Variants in CFAP20DC observed in about 807,000 individuals in gnomAD.
The protein encoded by CFAP20DC is CFAP20 domain containing.
In CFAP20DC, 84 loss-of-function variants were observed where a neutral mutation model predicts 101.7. That is an observed-to-expected ratio of 0.83 (90% CI 0.69 to 0.99). CFAP20DC has a LOEUF of 0.99. Ranked by LOEUF, CFAP20DC falls within the 50% of genes least tolerant of loss-of-function variation. The pLI is 0.00. For synonymous variants in CFAP20DC, 359 were observed against 351.2 expected, an observed-to-expected ratio of 1.02 and a Z score of -0.25; for missense variants, 1,007 against 970.3, an observed-to-expected ratio of 1.04 and a Z score of -0.50.
chr3:58,795,363 TG>T lies in CFAP20DC; in HGVS notation c.2237+11031del, dbSNP rs151264273. Among the ~76,000 whole-genome samples, 1,477 of 152,278 alleles carry T rather than the reference TG, an allele frequency of 9.7e-3. 26 individuals are homozygous for T. Among genetic ancestry groups the T allele is most frequent in the African/African-American group, 0.033 (1,391 of 41,558 alleles). ...TTAAAGATGTCAAGATTCTGCCAGG[TG>T]CCGTGGCTCACGCCTGTAACCCAGC... On this transcript the variant is annotated intron_variant, in intron 15 of 16. Coordinates refer to ENST00000482387, the MANE Select transcript of CFAP20DC (RefSeq NM_001394063.1). This position sits in a 1 kb window ranked among gnomAD's most constrained non-coding sequence, Gnocchi z 4.2.
chr3:58,940,463 ATAGGG>A, intron 4 of CFAP20DC, among the ~76,000 whole-genome samples: 1 of 152,312 alleles, frequency 6.6e-6, no homozygotes, highest in East Asian at 1.9e-4. Flanking sequence ...GTTGTATGAC[ATAGGG>A]GTTGGAGTTC....
chr3:59,042,960 G>A (rs938759107), intron 3 of CFAP20DC, among the ~76,000 whole-genome samples: 1 of 152,160 alleles, frequency 6.6e-6, no homozygotes, highest in Non-Finnish European at 1.5e-5. Flanking sequence ...GAAAAGATAA[G>A]TTGCTAACAG....
chr3:58,829,055 C>T (rs1422033340), intron 14 of CFAP20DC, among the ~76,000 whole-genome samples: 3 of 151,970 alleles, frequency 2.0e-5, no homozygotes, highest in East Asian at 3.9e-4. Context: ...TGGGACAGGC[C>T]GGGCATGGTG....
rs1559748885 is a variant in CFAP20DC, at chr3:58,874,710, A to G, written c.716-4401T>C. 6.6e-6 allele frequency among the ~76,000 whole-genome samples: 1 copy of G among 152,164 alleles called. No homozygotes were observed. The highest frequency in any genetic ancestry group is 1.5e-5 in the Non-Finnish European group (1 of 68,024). On this transcript the variant is annotated intron_variant, in intron 7 of 16. Transcript: ENST00000482387. This position sits in a 1 kb window ranked among gnomAD's most constrained non-coding sequence, Gnocchi z 5.1. ...CTTTGCAGACCTTTCTGATTAGGGT[A>G]AGTTCCTCCAATATAGGCTCTTCCA... is the stretch of plus-strand genomic sequence containing the variant.
chr3:58,945,720 C>T (rs1480089829), intron 4 of CFAP20DC, among the ~76,000 whole-genome samples: 14 of 145,926 alleles, frequency 9.6e-5, no homozygotes, highest in Non-Finnish European at 6.0e-5. Flanking sequence ...TTTTCTGAGA[C>T]GGAGTCTCGT....
intron 4 of CFAP20DC, among the ~76,000 whole-genome samples, chr3:58,944,399 C>T (rs980865629): frequency 1.2e-4 from 19 of 152,124 alleles, no homozygotes; most frequent in African/African-American, 3.9e-4. Flanking sequence ...AAATAAGACT[C>T]CAGAAATTAC....
intron 3 of CFAP20DC, among the ~76,000 whole-genome samples, chr3:59,041,248 A>G (rs1437954805): frequency 6.6e-6 from 1 of 152,116 alleles, no homozygotes; most frequent in Non-Finnish European, 1.5e-5. Context: ...CTTCAAACAC[A>G]AAGAGTTACA....
At position 58,869,492 on chromosome 3, in the gene CFAP20DC, T is replaced by C; in HGVS notation, c.853-2A>G. On this transcript the variant is annotated splice_acceptor_variant, in intron 8 of 16. Transcript: ENST00000482387. LOFTEE classifies it high-confidence loss of function. This position sits in a 1 kb window ranked among gnomAD's most constrained non-coding sequence, Gnocchi z 4.3. Reference sequence around the variant, plus strand: ...TTTGGACCCAACGGATCTCACTGTCTGTAAAGGAATTAATCTGTACATTTT... The same window carrying C: ...TTTGGACCCAACGGATCTCACTGTCCGTAAAGGAATTAATCTGTACATTTT... 1 of 1,602,118 alleles carries C rather than the reference T, an allele frequency of 6.2e-7. No individual in the cohort carries two copies. The highest frequency in any genetic ancestry group is 8.5e-7 in the Non-Finnish European group (1 of 1,174,826).
rs2073474918 is a variant in CFAP20DC, at chr3:58,799,108, G to GA, written c.2237+7286_2237+7287insT. Among the ~76,000 whole-genome samples the GA allele has an allele frequency of 6.7e-6, 1 of 149,016 alleles. No individual in the cohort carries two copies. The highest frequency in any genetic ancestry group is 1.5e-5 in the Non-Finnish European group (1 of 67,062). ...TGTATGTGTATGCATATAAATAATG[G>GA]TTTTTTTTTTCTATTTGCTTACCCA... On this transcript the variant is annotated intron_variant, in intron 15 of 16. Transcript: ENST00000482387. The surrounding 1 kb of genome is among the most constrained non-coding windows in gnomAD (Gnocchi z 4.9).
chr3:58,729,705 A>G lies in CFAP20DC; in HGVS notation c.198-12077T>C, dbSNP rs1237530129. 6.6e-6 allele frequency among the ~76,000 whole-genome samples: 1 copy of G among 152,110 alleles called. No homozygotes were observed. Among genetic ancestry groups the G allele is most frequent in the Non-Finnish European group, 1.5e-5 (1 of 68,010 alleles). On this transcript the variant is annotated intron_variant, in intron 3 of 3. Transcript: ENST00000486145. This position sits in a 1 kb window ranked among gnomAD's most constrained non-coding sequence, Gnocchi z 4.4. ...GTTCCCAATGCAAGGCCTGGTCTAT[A>G]CCAAATTAGTCTGCTATTATTGAAA...
intron 15 of CFAP20DC, among the ~76,000 whole-genome samples, chr3:58,754,710 C>T (rs887359839): frequency 5.9e-5 from 9 of 152,136 alleles, no homozygotes; most frequent in Admixed American, 2.0e-4. Flanking sequence ...GTACTTCCTA[C>T]GGTATTAATC....
chr3:58,991,363 T>G (rs929938924), intron 4 of CFAP20DC, among the ~76,000 whole-genome samples: 1 of 152,184 alleles, frequency 6.6e-6, no homozygotes, highest in African/African-American at 2.4e-5. Flanking sequence ...AGGCTACATA[T>G]GAAACAGCAT....
At chr3:58,804,450 C>T (rs1395867634) in intron 15 of CFAP20DC, among the ~76,000 whole-genome samples, 2 of 150,228 alleles carry the variant, frequency 1.3e-5, no homozygotes, top group Non-Finnish European at 3.0e-5. Flanking sequence ...GTAACCTCTG[C>T]TTCCTGGGTT....
At chr3:58,858,433 T>C (rs2079006943) in intron 12 of CFAP20DC, among the ~76,000 whole-genome samples, 1 of 152,208 alleles carries the variant, frequency 6.6e-6, no homozygotes, top group Non-Finnish European at 1.5e-5. Flanking sequence ...CAATAATTTC[T>C]GGCTACACAA....
At chr3:58,931,662 AG>A (rs935025459) in intron 5 of CFAP20DC, among the ~76,000 whole-genome samples, 4 of 152,202 alleles carry the variant, frequency 2.6e-5, no homozygotes, top group African/African-American at 9.6e-5. Context: ...CCAGGCAAAT[AG>A]GGTCTGGAGT....
At position 59,001,849 on chromosome 3, in the gene CFAP20DC, T is replaced by G. The variant is rs59750376; in HGVS notation, c.278+37708A>C. 0.17 allele frequency among the ~76,000 whole-genome samples: 26,026 copies of G among 152,134 alleles called. 4,489 individuals carry two copies. Among genetic ancestry groups the G allele is most frequent in the African/African-American group, 0.43 (17,641 of 41,458 alleles). On this transcript the variant is annotated intron_variant, in intron 4 of 16. Transcript: ENST00000482387. The surrounding 1 kb of genome is among the most constrained non-coding windows in gnomAD (Gnocchi z 4.5). Reference sequence around the variant, plus strand: ...TACCTGATGTTACTATAGTAATCAGTGGGCTTCCTGGGCTCTCTGCCAATT... The same window carrying G: ...TACCTGATGTTACTATAGTAATCAGGGGGCTTCCTGGGCTCTCTGCCAATT...
intron 5 of CFAP20DC, among the ~76,000 whole-genome samples, chr3:58,932,533 A>C (rs569234659): frequency 6.6e-6 from 1 of 151,940 alleles, no homozygotes; most frequent in African/African-American, 2.4e-5. Context: ...GAAAGGTCGC[A>C]TTACCTACAA....
intron 6 of CFAP20DC, among the ~76,000 whole-genome samples, chr3:58,890,290 CGGCTGTCCGGGCGGGG>C (rs2082062029): frequency 6.9e-6 from 1 of 143,994 alleles, no homozygotes; most frequent in African/African-American, 2.6e-5. Context: ...CCGGACGGGG[CGGCTGTCCGGGCGGGG>C]GGCTGACCCC....
At chr3:58,977,654 A>G (rs1379579672) in intron 4 of CFAP20DC, among the ~76,000 whole-genome samples, 17 of 152,014 alleles carry the variant, frequency 1.1e-4, no homozygotes, top group Non-Finnish European at 5.9e-5. Flanking sequence ...CATTGGGGAT[A>G]TAAGAATTCT....
Sources: allele counts gnomAD v4.1 joint callset (sites outside exome capture counted in the v4.1 genomes callset), GRCh38; gene constraint gnomAD v4.1.1; non-coding constraint Gnocchi (gnomAD v3.1); transcripts MANE v1.5; gene names NCBI Gene and HGNC (gene_info 2026-07-23, HGNC 2026-07-21).